The following ASAP1 variants were observed in gnomAD, a reference collection of about 807,000 sequenced individuals.
ASAP1 encodes ArfGAP with SH3 domain, ankyrin repeat and PH domain 1.
ASAP1 carries 43 observed loss-of-function variants against 145.2 expected under a neutral mutation model. The observed-to-expected ratio is 0.30, with a 90% CI of 0.23 to 0.38. The LOEUF (loss-of-function observed/expected upper bound fraction) is 0.38. Ranked by LOEUF, ASAP1 falls within the 10% of genes least tolerant of loss-of-function variation. The probability of loss-of-function intolerance (pLI) is 1.00; values close to 1 mark genes in which losing one functional copy is unlikely to be tolerated. For synonymous variants in ASAP1, 546 were observed against 515.5 expected, an observed-to-expected ratio of 1.06 and a Z score of -0.80; for missense variants, 1,018 against 1,355.3, an observed-to-expected ratio of 0.75 and a Z score of 3.91.
At chr8:130,428,845 C>T (rs1310802473) in intron 1 of ASAP1, among the ~76,000 whole-genome samples, 1 of 152,184 alleles carries the variant, frequency 6.6e-6, no homozygotes, top group East Asian at 1.9e-4. Context: ...TTTTCTAGGG[C>T]TGTCATTAAA....
chr8:130,390,888 C>T (rs1051657445), intron 2 of ASAP1, among the ~76,000 whole-genome samples: 3 of 151,310 alleles, frequency 2.0e-5, no homozygotes, highest in Non-Finnish European at 2.9e-5. Flanking sequence ...AAAAAGTAAA[C>T]ATGGAATTAT....
intron 5 of ASAP1, among the ~76,000 whole-genome samples, chr8:130,211,679 A>C (rs961493175): frequency 8.5e-5 from 13 of 152,260 alleles, no homozygotes; most frequent in Non-Finnish European, 2.9e-5. Flanking sequence ...GATTTAGTAT[A>C]AACTATTAAA....
intron 3 of ASAP1, among the ~76,000 whole-genome samples, chr8:130,284,197 C>T (rs1350481329): frequency 6.6e-6 from 1 of 151,966 alleles, no homozygotes; most frequent in Admixed American, 6.5e-5. Context: ...AGAACAAATC[C>T]CTTTTAAAAA....
At position 130,181,351 on chromosome 8, in the gene ASAP1, G is replaced by A. The variant is rs990833028; in HGVS notation, c.531-471C>T. Among the ~76,000 whole-genome samples the A allele has an allele frequency of 9.9e-5, 15 of 152,270 alleles. 1 individual carries two copies. In the South Asian group the frequency reaches 2.9e-3, roughly 29 times the overall value. On this transcript the variant is annotated intron_variant, in intron 7 of 29. Coordinates refer to ENST00000518721, the MANE Select transcript of ASAP1 (RefSeq NM_018482.4). ...TCTCTTAAATTTTGGTAGGCATGAA[G>A]AAATTTTGATAGTTTACCTACTATT...
chr8:130,161,487 G>A (rs1265096985), intron 11 of ASAP1, among the ~76,000 whole-genome samples: 1 of 152,154 alleles, frequency 6.6e-6, no homozygotes, highest in Non-Finnish European at 1.5e-5. Flanking sequence ...AGGTATTAAG[G>A]ACCCTGAGTA....
intron 3 of ASAP1, among the ~76,000 whole-genome samples, chr8:130,262,571 T>A (rs11786205): frequency 0.035 from 5,280 of 152,102 alleles, 125 homozygotes; most frequent in Middle Eastern, 0.065. Flanking sequence ...CTTTGAATGT[T>A]AACTGGAATT....
At position 130,347,652 on chromosome 8, in the gene ASAP1, C is replaced by T. The variant is rs530259901; in HGVS notation, c.186+10365G>A. Among the ~76,000 whole-genome samples the T allele has an allele frequency of 3.9e-5, 6 of 152,126 alleles. No homozygotes were observed. In the East Asian group the frequency reaches 7.7e-4, roughly 20 times the overall value. On this transcript the variant is annotated intron_variant, in intron 3 of 29. Transcript: ENST00000518721. ...GACTTAGCCCCACCCATCACATAAC[C>T]CCCTCATCCTGGCCAAAGCTGACTG...
chr8:130,123,197 T>C (rs540719633), intron 18 of ASAP1, among the ~76,000 whole-genome samples: 60 of 152,286 alleles, frequency 3.9e-4, no homozygotes, highest in Middle Eastern at 6.8e-3. Context: ...TTCCCAGGAG[T>C]GGGACTGCTG....
rs368396574 is a variant in ASAP1 at position 130,428,705 on chromosome 8, C to A, written c.-28+14755G>T. On this transcript the variant is annotated intron_variant, in intron 1 of 29. Coordinates refer to ENST00000518721, the MANE Select transcript of ASAP1 (RefSeq NM_018482.4). ...CCATCAGAACTACCACCATCATCAT[C>A]ACTACCACCATCATCATCATCACTA... Among the ~76,000 whole-genome samples the A allele has an allele frequency of 7.3e-5, 11 of 150,298 alleles. No homozygotes were observed. In the East Asian group the frequency reaches 1.6e-3, roughly 22 times the overall value.
chr8:130,226,592 C>T (rs1817602504), intron 4 of ASAP1, among the ~76,000 whole-genome samples: 1 of 152,182 alleles, frequency 6.6e-6, no homozygotes, highest in Non-Finnish European at 1.5e-5. Context: ...AAAGTCCTAA[C>T]CAAGCCTCAG....
At chr8:130,418,810 C>T (rs1346140973) in intron 1 of ASAP1, among the ~76,000 whole-genome samples, 1 of 150,454 alleles carries the variant, frequency 6.6e-6, no homozygotes, top group Admixed American at 6.6e-5. Context: ...TCTTTTGTGG[C>T]AAAATCTACA....
At position 130,124,111 on chromosome 8, in the gene ASAP1, CA is replaced by C. The variant is rs2135710323; in HGVS notation, c.1516-8del. 1.3e-6 allele frequency: 2 copies of C among 1,585,376 alleles called. No homozygotes were observed. The highest frequency in any genetic ancestry group is 1.7e-4 in the Middle Eastern group (1 of 5,930). ...TTCCTACATTCTTGGCCAGCTGTAACAGAAAAAACAAACAACCACAATATAG... is the reference window on the plus strand; with the variant it reads ...TTCCTACATTCTTGGCCAGCTGTAACGAAAAAACAAACAACCACAATATAG... On this transcript the variant is annotated splice_region_variant and splice_polypyrimidine_tract_variant and intron_variant, in intron 17 of 29. Transcript: ENST00000518721.
chr8:130,103,542 C>T (rs1254798620), intron 24 of ASAP1, among the ~76,000 whole-genome samples: 2 of 152,006 alleles, frequency 1.3e-5, no homozygotes. Flanking sequence ...TCGCTCTTGT[C>T]ACCCAGGCTG....
At chr8:130,193,361 T>G (rs1479123514) in intron 5 of ASAP1, among the ~76,000 whole-genome samples, 1 of 150,306 alleles carries the variant, frequency 6.7e-6, no homozygotes, top group Non-Finnish European at 1.5e-5. Flanking sequence ...AGAGCAAGAC[T>G]CCATCTAAAA....
intron 4 of ASAP1, among the ~76,000 whole-genome samples, chr8:130,217,590 G>T (rs1817017441): frequency 6.9e-6 from 1 of 145,216 alleles, no homozygotes; most frequent in African/African-American, 2.5e-5. Context: ...ACCGCAAGAG[G>T]CAGGGATTAC....
intron 3 of ASAP1, among the ~76,000 whole-genome samples, chr8:130,284,388 T>G (rs1454953031): frequency 6.6e-6 from 1 of 152,132 alleles, no homozygotes; most frequent in African/African-American, 2.4e-5. Flanking sequence ...CCACAAAGTA[T>G]GAGGTTCAAA....
intron 3 of ASAP1, among the ~76,000 whole-genome samples, chr8:130,284,094 G>A (rs1211922501): frequency 6.6e-6 from 1 of 152,144 alleles, no homozygotes; most frequent in African/African-American, 2.4e-5. Context: ...TGGCACGGAG[G>A]ACAGAGGTTC....
At chr8:130,133,231 C>G (rs889548914) in intron 15 of ASAP1, among the ~76,000 whole-genome samples, 1 of 151,982 alleles carries the variant, frequency 6.6e-6, no homozygotes, top group Non-Finnish European at 1.5e-5. Context: ...AATAGTCACA[C>G]ACTGCCTTTT....
intron 3 of ASAP1, among the ~76,000 whole-genome samples, chr8:130,251,389 G>A (rs758452089): frequency 5.9e-5 from 9 of 152,116 alleles, no homozygotes; most frequent in Non-Finnish European, 1.2e-4. Context: ...CTGCTCTCAA[G>A]CCTGGGCGAT....
Sources: gnomAD v4.1 joint callset for allele counts (sites outside exome capture counted in the v4.1 genomes callset) on GRCh38, gnomAD v4.1.1 for gene constraint, MANE v1.5 for transcripts, NCBI Gene and HGNC (gene_info 2026-07-23, HGNC 2026-07-21) for gene names.